PDE1A: variants seen among roughly 807,000 people sequenced by gnomAD.
PDE1A encodes dual specificity calcium/calmodulin-dependent 3',5'-cyclic nucleotide phosphodiesterase 1A.
A neutral mutation model predicts 61.7 loss-of-function variants in PDE1A; 35 were observed. That is an observed-to-expected ratio of 0.57 (90% CI 0.43 to 0.75). The LOEUF is 0.75. Among genes scored for constraint, PDE1A ranks in the 30% least tolerant of loss-of-function variants. The pLI, the probability that PDE1A is intolerant of heterozygous loss-of-function variation, is 0.00. For missense variants in PDE1A, 597 were observed against 630.6 expected (o/e 0.95, Z 0.57); for synonymous variants, 232 against 213.2 (o/e 1.09, Z -0.77).
In PDE1A at chr2:182,432,451, T is replaced by A. The variant is rs1037657721; in HGVS notation, c.101+89825A>T. ...TTGTTGTTGTTGTTGTTGTTGTAGTTGTTGTTGTTATTTTCCTTATAGCTT... is the reference window on the plus strand; with the variant it reads ...TTGTTGTTGTTGTTGTTGTTGTAGTAGTTGTTGTTATTTTCCTTATAGCTT... On this transcript the variant is annotated intron_variant, in intron 2 of 14. Coordinates refer to the PDE1A transcript ENST00000410103. Among the ~76,000 whole-genome samples, 11 of 141,622 alleles carry A rather than the reference T, an allele frequency of 7.8e-5. No homozygotes were observed. The South Asian group carries it at 8.9e-4, about 11-fold the overall frequency. 92.9% of individuals were successfully genotyped at this position (141,622 alleles called of 152,430 possible). A position where few individuals can be genotyped will look rare whatever the true frequency, so the allele number is the denominator to read the frequency against.
the PDE1A span, among the ~76,000 whole-genome samples, chr2:182,663,204 G>A: frequency 6.6e-6 from 1 of 152,162 alleles, no homozygotes; most frequent in Non-Finnish European, 1.5e-5. Context: ...AGGTTGCAGA[G>A]AAAAAGGAAC....
the PDE1A span, among the ~76,000 whole-genome samples, chr2:182,646,864 C>A: frequency 6.6e-6 from 1 of 152,118 alleles, no homozygotes; most frequent in Non-Finnish European, 1.5e-5. Context: ...AGTGCCTACA[C>A]AGATGGTGTC....
intron 1 of PDE1A, among the ~76,000 whole-genome samples, chr2:182,292,436 A>G (rs1000518028): frequency 4.6e-5 from 7 of 151,994 alleles, no homozygotes; most frequent in African/African-American, 9.7e-5. Flanking sequence ...AATTAAAATA[A>G]CACTTTAACA....
intron 13 of PDE1A, among the ~76,000 whole-genome samples, chr2:182,169,280 A>G (rs1175285742): frequency 6.6e-6 from 1 of 152,096 alleles, no homozygotes; most frequent in African/African-American, 2.4e-5. Context: ...TAAGGAAAGA[A>G]TATTGTACAT....
At chr2:182,595,916 G>A in the PDE1A span, among the ~76,000 whole-genome samples, 1 of 152,188 alleles carries the variant, frequency 6.6e-6, no homozygotes, top group African/African-American at 2.4e-5. Context: ...TAGCACAGTA[G>A]AATCAACTGA....
the PDE1A span, among the ~76,000 whole-genome samples, chr2:182,536,730 C>T: frequency 6.6e-6 from 1 of 152,106 alleles, no homozygotes; most frequent in Admixed American, 6.5e-5. Context: ...TTGTAATTCC[C>T]TCAACTAAGA....
chr2:182,703,735 G>T, the PDE1A span, among the ~76,000 whole-genome samples: 1 of 152,058 alleles, frequency 6.6e-6, no homozygotes, highest in Non-Finnish European at 1.5e-5. Flanking sequence ...TCCATGAAAT[G>T]GATTCTTCTT....
At chr2:182,614,075 A>C in the PDE1A span, among the ~76,000 whole-genome samples, 1 of 152,244 alleles carries the variant, frequency 6.6e-6, no homozygotes, top group Non-Finnish European at 1.5e-5. Context: ...CCTGTTAGTA[A>C]TTGTGGTTAA....
intron 1 of PDE1A, among the ~76,000 whole-genome samples, chr2:182,321,837 C>T (rs1276932782): frequency 1.3e-5 from 2 of 152,104 alleles, no homozygotes; most frequent in Non-Finnish European, 2.9e-5. Flanking sequence ...TAGCTTTAAG[C>T]TTCCACGTAA....
At chr2:182,320,629 A>G (rs1050917340) in intron 1 of PDE1A, among the ~76,000 whole-genome samples, 1 of 152,188 alleles carries the variant, frequency 6.6e-6, no homozygotes, top group Non-Finnish European at 1.5e-5. Context: ...TCTTTTCAGG[A>G]CTCAATACAA....
At chr2:182,297,650 T>G (rs1694976244) in intron 1 of PDE1A, among the ~76,000 whole-genome samples, 2 of 152,366 alleles carry the variant, frequency 1.3e-5, no homozygotes, top group Non-Finnish European at 2.9e-5. Context: ...CCATATCTGT[T>G]CAGCCTTTAC....
At chr2:182,514,685 C>G (rs1363698741) in intron 2 of PDE1A, among the ~76,000 whole-genome samples, 1 of 152,132 alleles carries the variant, frequency 6.6e-6, no homozygotes, top group Admixed American at 6.6e-5. Context: ...TGATTAAAGA[C>G]TTAAATGTAA....
chr2:182,610,361 A>AT, the PDE1A span, among the ~76,000 whole-genome samples: 5 of 152,110 alleles, frequency 3.3e-5, no homozygotes, highest in African/African-American at 9.6e-5. Flanking sequence ...TTGTGGGCTG[A>AT]TTTTTTCAGT....
At chr2:182,661,324 C>T in the PDE1A span, among the ~76,000 whole-genome samples, 1 of 152,146 alleles carries the variant, frequency 6.6e-6, no homozygotes, top group African/African-American at 2.4e-5. Flanking sequence ...GACAGAAATG[C>T]TCTTACCTAA....
At chr2:182,659,863 C>G in the PDE1A span, among the ~76,000 whole-genome samples, 9 of 152,154 alleles carry the variant, frequency 5.9e-5, no homozygotes, top group Non-Finnish European at 1.3e-4. Context: ...AAACAAAATA[C>G]TATGAAAATG....
At chr2:182,687,423 C>A in the PDE1A span, among the ~76,000 whole-genome samples, 35 of 152,282 alleles carry the variant, frequency 2.3e-4, no homozygotes, top group South Asian at 3.1e-3. Context: ...AGGCAAACAG[C>A]GTCTGGAGTG....
intron 1 of PDE1A, among the ~76,000 whole-genome samples, chr2:182,371,032 C>T (rs1000324422): frequency 6.6e-6 from 1 of 152,030 alleles, no homozygotes; most frequent in Non-Finnish European, 1.5e-5. Flanking sequence ...CTGAGAAATA[C>T]AAAGAAAAAG....
the PDE1A span, among the ~76,000 whole-genome samples, chr2:182,604,071 A>G: frequency 6.6e-6 from 1 of 152,106 alleles, no homozygotes; most frequent in Non-Finnish European, 1.5e-5. Context: ...CATGCCCAGA[A>G]CTATACAGGA....
Position 182,317,673 on chromosome 2 carries a change from G to T in PDE1A, c.54-53259C>A, listed in dbSNP as rs112024343. On this transcript the variant is annotated intron_variant, in intron 1 of 13. Coordinates refer to ENST00000351439, the Ensembl canonical transcript of PDE1A. Reference sequence around the variant, plus strand: ...CAGCAAAGATAATGAATGTGGACCAGAAAGTTTTACTACTAGGAGACAGCC... The same window carrying T: ...CAGCAAAGATAATGAATGTGGACCATAAAGTTTTACTACTAGGAGACAGCC... Among the ~76,000 whole-genome samples the T allele has an allele frequency of 2.6e-5, 4 of 152,144 alleles. No homozygotes were observed. In the East Asian group the frequency reaches 7.7e-4, roughly 29 times the overall value.
Sources: allele counts gnomAD v4.1 joint callset (sites outside exome capture counted in the v4.1 genomes callset), GRCh38; gene constraint gnomAD v4.1.1; transcripts MANE v1.5; gene names NCBI Gene and HGNC (gene_info 2026-07-23, HGNC 2026-07-21).